RHBG: variants seen among roughly 807,000 people sequenced by gnomAD.
RHBG encodes the protein ammonium transporter Rh type B.
Under a neutral mutation model 40.1 loss-of-function variants are expected in RHBG, and 39 were observed. The observed-to-expected ratio is 0.97, with a 90% confidence interval of 0.75 to 1.27. The LOEUF (loss-of-function observed/expected upper bound fraction) is 1.27. Ranked by LOEUF, RHBG falls within the 50% of genes most tolerant of loss-of-function variation. RHBG has a pLI of 0.00. For missense variants in RHBG, 549 were observed against 588.1 expected (o/e 0.93, Z 0.69); for synonymous variants, 237 against 252.5 (o/e 0.94, Z 0.58).
Position 156,369,411 on chromosome 1 carries a change from C to G in RHBG, c.162C>G (p.Asp54Glu), listed in dbSNP as rs746267459. ...LWHRSNHSNA[D>E]NEFYFRYPSF... ...ACCGGAGCAACCACAGTAACGCGGACAATGAATTTTACTTTCGCTACCCAA... is the reference window on the plus strand; with the variant it reads ...ACCGGAGCAACCACAGTAACGCGGAGAATGAATTTTACTTTCGCTACCCAA... Residue 54 changes from aspartate to glutamate, a missense_variant, in exon 1 of 10, where the codon GAC (aspartate) becomes GAG (glutamate). By Grantham distance (45) the Asp-to-Glu change is conservative (BLOSUM62 2). Around this residue, in one of 3 missense-constraint regions of RHBG, gnomAD observed 99 missense variants for 85.2 expected, o/e 1.16. Transcript: ENST00000537040. The G allele has an allele frequency of 6.2e-7, 1 of 1,613,382 alleles. No homozygotes were observed. Among genetic ancestry groups the G allele is most frequent in the Non-Finnish European group, 8.5e-7 (1 of 1,179,664 alleles).
chr1:156,373,853 G>A (rs1667009175), intron 1 of RHBG, among the ~76,000 whole-genome samples: 1 of 152,200 alleles, frequency 6.6e-6, no homozygotes, highest in Admixed American at 6.5e-5. Context: ...CAGCCAGGCA[G>A]TGAGGCTAAA....
Position 156,370,473 on chromosome 1 carries a change from G to A in RHBG, c.187+1037G>A, listed in dbSNP as rs189816950. 4.6e-5 allele frequency among the ~76,000 whole-genome samples: 7 copies of A among 151,334 alleles called. No individual in the cohort carries two copies. In the South Asian group the frequency reaches 8.3e-4, roughly 18 times the overall value. On this transcript the variant is annotated intron_variant, in intron 1 of 9. Transcript: ENST00000537040. ...CGAGAAAAAAAAAAATTAGCCGAGC[G>A]TGGTGGCAGGCGCCTGTAATCGCTG...
chr1:156,372,841 G>A (rs1666941955), intron 1 of RHBG, among the ~76,000 whole-genome samples: 1 of 152,172 alleles, frequency 6.6e-6, no homozygotes, highest in Non-Finnish European at 1.5e-5. Flanking sequence ...ATCCAGGCTG[G>A]AGTGCAGTGG....
chr1:156,370,605 ACT>A (rs1666776254), intron 1 of RHBG, among the ~76,000 whole-genome samples: 1 of 102,960 alleles, frequency 9.7e-6, no homozygotes, highest in Admixed American at 1.3e-4. Flanking sequence ...ACAGAGTGAG[ACT>A]CTGTCTCAAA....
chr1:156,369,648 A>T (rs2101743240), intron 1 of RHBG, among the ~76,000 whole-genome samples: 1 of 152,298 alleles, frequency 6.6e-6, no homozygotes, highest in Non-Finnish European at 1.5e-5. Context: ...TATCTCACTT[A>T]GTCTATGAGT....
rs777184136 is a variant in RHBG, at chr1:156,384,625, C to T, written c.1308+25C>T. On this transcript the variant is annotated intron_variant, in intron 9 of 9. Transcript: ENST00000537040. ...GGTGAGACATTGCTGGGCTCTCACA[C>T]CCTCTGAGTCTCCCTTCCCTGCCTC... 3 of 1,558,974 alleles carry T rather than the reference C, an allele frequency of 1.9e-6. No homozygotes were observed. In the Admixed American group the frequency reaches 5.5e-5, roughly 29 times the overall value.
Position 156,384,524 on chromosome 1 carries a change from C to G in RHBG, c.1235-3C>G. On this transcript the variant is annotated splice_region_variant and splice_polypyrimidine_tract_variant and intron_variant, in intron 8 of 9. Transcript: ENST00000537040. ...CTCACAGATCCTCCCCTACCACCACCAGGGCTCCTGCTGAAGCTACCCTTT... is the reference window on the plus strand; with the variant it reads ...CTCACAGATCCTCCCCTACCACCACGAGGGCTCCTGCTGAAGCTACCCTTT... The G allele has an allele frequency of 6.2e-7, 1 of 1,611,864 alleles. No homozygotes were observed. Among genetic ancestry groups the G allele is most frequent in the Non-Finnish European group, 8.5e-7 (1 of 1,179,162 alleles).
rs575729047 is a variant in RHBG at position 156,369,706 on chromosome 1, G to T, written c.187+270G>T. Among the ~76,000 whole-genome samples, 8 of 152,260 alleles carry T rather than the reference G, an allele frequency of 5.3e-5. No homozygotes were observed. In the East Asian group the frequency reaches 1.5e-3, roughly 29 times the overall value. ...GGCTTGGTTAAGTGGCTGATTCAGG[G>T]TCACACAGTCACAAGTCAGGGAGTT... is the stretch of plus-strand genomic sequence containing the variant. On this transcript the variant is annotated intron_variant, in intron 1 of 9. Transcript: ENST00000537040.
intron 5 of RHBG, 142 bp downstream of exon 5, chr1:156,381,655 T>A: frequency 7.2e-7 from 1 of 1,381,242 alleles, no homozygotes; most frequent in Non-Finnish European, 9.9e-7. Context: ...GGCTATGGGA[T>A]CAGAATGGGA....
chr1:156,377,295 C>T lies in RHBG; in HGVS notation c.188-6C>T. ...CAAGTGCCCCGCCTGTCCCTGCCCG[C>T]TGCAGGCTTCCAGGACGTGCATGCC... On this transcript the variant is annotated splice_region_variant and splice_polypyrimidine_tract_variant and intron_variant, in intron 1 of 9. Coordinates refer to ENST00000537040, the MANE Select transcript of RHBG (RefSeq NM_020407.5). This position sits in a 1 kb window ranked among gnomAD's most constrained non-coding sequence, Gnocchi z 4.6. The T allele has an allele frequency of 6.2e-7, 1 of 1,612,748 alleles. No individual in the cohort carries two copies.
chr1:156,384,692 C>T, intron 9 of RHBG, 85 bp from the exon 10 acceptor site: 1 of 1,541,874 alleles, frequency 6.5e-7, no homozygotes, highest in South Asian at 1.1e-5. Context: ...CCTTGCTGCT[C>T]CTTCTCCTCT....
rs746768095 is a variant in RHBG, at chr1:156,381,479, C to T, written c.806C>T (p.Ser269Leu). Residue 269 changes from serine to leucine, a missense_variant, in exon 5 of 10, where the codon TCA becomes TTA. Around this residue, in one of 3 missense-constraint regions of RHBG, gnomAD observed 399 missense variants for 417.0 expected, o/e 0.96. Coordinates refer to ENST00000537040, the MANE Select transcript of RHBG (RefSeq NM_020407.5). ...AGCACCCTTGGCACCTTTGCCTTGT[C>T]AGCCCTTGTAGGGGAAGATGGGAGG... ...AASTLGTFAL[S>L]ALVGEDGRLD... The T allele has an allele frequency of 7.4e-6, 12 of 1,613,376 alleles. No homozygotes were observed. Among genetic ancestry groups the T allele is most frequent in the Non-Finnish European group, 9.3e-6 (11 of 1,179,604 alleles).
chr1:156,371,019 G>A (rs1482628070), intron 1 of RHBG, among the ~76,000 whole-genome samples: 1 of 152,002 alleles, frequency 6.6e-6, no homozygotes, highest in Non-Finnish European at 1.5e-5. Context: ...AAGTGCTTGG[G>A]CAGGTCATCT....
rs761347255 is a variant in RHBG, at chr1:156,369,452, G to C, written c.187+16G>C. 6.3e-7 allele frequency: 1 copy of C among 1,590,160 alleles called. No individual in the cohort carries two copies. The highest frequency in any genetic ancestry group is 8.6e-7 in the Non-Finnish European group (1 of 1,166,128). Reference sequence around the variant, plus strand: ...CGCTACCCAAGTGAGTGCGGGGTGAGGGCGCGCGGGAAGCAAAGACCCCAA... The same window carrying C: ...CGCTACCCAAGTGAGTGCGGGGTGACGGCGCGCGGGAAGCAAAGACCCCAA... On this transcript the variant is annotated intron_variant, in intron 1 of 9. Coordinates refer to ENST00000537040, the MANE Select transcript of RHBG (RefSeq NM_020407.5).
intron 1 of RHBG, among the ~76,000 whole-genome samples, chr1:156,373,943 A>G (rs1667016284): frequency 1.3e-5 from 2 of 152,002 alleles, no homozygotes; most frequent in African/African-American, 4.8e-5. Flanking sequence ...AATGTTTATC[A>G]TTTATTTGTG....
At chr1:156,375,479 G>T in intron 1 of RHBG, among the ~76,000 whole-genome samples, 1 of 148,882 alleles carries the variant, frequency 6.7e-6, no homozygotes, top group African/African-American at 2.5e-5. Context: ...AAGCATAAAA[G>T]CATGCTTCTG....
chr1:156,372,663 G>A (rs1194010666), intron 1 of RHBG, among the ~76,000 whole-genome samples: 1 of 152,200 alleles, frequency 6.6e-6, no homozygotes. Flanking sequence ...GGGAAGTTGG[G>A]GGAGATGGCC....
At position 156,378,306 on chromosome 1, in the gene RHBG, C is replaced by T. The variant is rs1205164382; in HGVS notation, c.580C>T (p.Leu194Phe). Reference protein sequence around the residue: ...TIHTFGAYFGLVLSRVLYRPQ... With the variant: ...TIHTFGAYFGFVLSRVLYRPQ... Reference sequence around the variant, plus strand: ...CCACACCTTTGGTGCCTACTTCGGGCTCGTCCTTTCGCGGGTTCTGTACAG... The same window carrying T: ...CCACACCTTTGGTGCCTACTTCGGGTTCGTCCTTTCGCGGGTTCTGTACAG... The change falls in exon 4 of 10, where the codon CTC becomes TTC. Residue 194 changes from leucine (L) to phenylalanine (F), a missense_variant. Physicochemically the swap from Leu to Phe is conservative, Grantham distance 22. Around this residue, in one of 3 missense-constraint regions of RHBG, gnomAD observed 399 missense variants for 417.0 expected, o/e 0.96. Coordinates refer to ENST00000537040, the MANE Select transcript of RHBG (RefSeq NM_020407.5). 1 of 1,613,990 alleles carries T rather than the reference C, an allele frequency of 6.2e-7. No homozygotes were observed. Among genetic ancestry groups the T allele is most frequent in the African/African-American group, 1.3e-5 (1 of 74,916 alleles).
rs1018915314 is a variant in RHBG, at chr1:156,369,405, C to G, written c.156C>G (p.Asn52Lys). The part of the protein sequence containing the change: ...AALWHRSNHS[N>K]ADNEFYFRYP... ...TCTGGCACCGGAGCAACCACAGTAACGCGGACAATGAATTTTACTTTCGCT... is the reference window on the plus strand; with the variant it reads ...TCTGGCACCGGAGCAACCACAGTAAGGCGGACAATGAATTTTACTTTCGCT... Residue 52 changes from asparagine to lysine, a missense_variant, in exon 1 of 10, where the codon AAC (asparagine) becomes AAG (lysine). Transcript: ENST00000537040. 1.9e-6 allele frequency: 3 copies of G among 1,613,636 alleles called. No homozygotes were observed. Among genetic ancestry groups the G allele is most frequent in the Non-Finnish European group, 2.5e-6 (3 of 1,179,772 alleles).
Sources: allele counts gnomAD v4.1 joint callset (sites outside exome capture counted in the v4.1 genomes callset), GRCh38; gene constraint gnomAD v4.1.1; regional missense constraint gnomAD v4.1.1; non-coding constraint Gnocchi (gnomAD v3.1); transcripts MANE v1.5; gene names NCBI Gene and HGNC (gene_info 2026-07-23, HGNC 2026-07-21).